The following DIP2C variants were observed in gnomAD, a reference collection of about 807,000 sequenced individuals.
DIP2C encodes disco-interacting protein 2 homolog C.
Under a neutral mutation model 192.4 loss-of-function variants are expected in DIP2C, and 33 were observed. The ratio of observed to expected loss-of-function variants is 0.17; its 90% CI spans 0.13 to 0.23. DIP2C has a LOEUF of 0.23. DIP2C is among the 10% of genes least tolerant of loss of function. The pLI, the probability that DIP2C is intolerant of heterozygous loss-of-function variation, is 1.00. For missense variants in DIP2C, 1,537 were observed against 2,110.1 expected (o/e 0.73, Z 5.32); for synonymous variants, 979 against 864.1 (o/e 1.13, Z -2.33).
chr10:487,192 GAC>G (rs1564777436), intron 1 of DIP2C, among the ~76,000 whole-genome samples: 1 of 151,962 alleles, frequency 6.6e-6, no homozygotes, highest in Non-Finnish European at 1.5e-5. Flanking sequence ...CCACCTCATC[GAC>G]ACACAGAGGC....
chr10:538,523 C>G (rs909049179), intron 1 of DIP2C, among the ~76,000 whole-genome samples: 1 of 152,170 alleles, frequency 6.6e-6, no homozygotes, highest in East Asian at 1.9e-4. Context: ...CCGGACCGTA[C>G]AGGGGCTAGG....
chr10:533,845 G>A (rs757242799), intron 1 of DIP2C, among the ~76,000 whole-genome samples: 4 of 152,082 alleles, frequency 2.6e-5, no homozygotes, highest in African/African-American at 4.8e-5. Flanking sequence ...GTCTTGAACC[G>A]TGGGAAAATG....
intron 1 of DIP2C, among the ~76,000 whole-genome samples, chr10:660,384 G>A (rs906576123): frequency 4.6e-5 from 6 of 130,120 alleles, no homozygotes; most frequent in East Asian, 2.4e-4. Flanking sequence ...TGTATGAAAC[G>A]GAGATTCTAG....
intron 1 of DIP2C, among the ~76,000 whole-genome samples, chr10:683,795 C>T (rs79919851): frequency 0.013 from 1,980 of 152,204 alleles, 30 homozygotes; most frequent in African/African-American, 0.045. Flanking sequence ...TTCAGGAGAG[C>T]GCTACAACTC....
chr10:687,900 C>T (rs1831392495), intron 1 of DIP2C, among the ~76,000 whole-genome samples: 1 of 152,220 alleles, frequency 6.6e-6, no homozygotes, highest in South Asian at 2.1e-4. Context: ...CTACGCTCTG[C>T]TGACCTGGAT....
intron 1 of DIP2C, among the ~76,000 whole-genome samples, chr10:502,255 G>A (rs1845288602): frequency 1.3e-5 from 2 of 152,194 alleles, no homozygotes; most frequent in African/African-American, 2.4e-5. Flanking sequence ...AAGATATTAT[G>A]AGGCACACAC....
chr10:442,874 A>G (rs1967860122), intron 3 of DIP2C, among the ~76,000 whole-genome samples: 1 of 152,218 alleles, frequency 6.6e-6, no homozygotes, highest in Non-Finnish European at 1.5e-5. Context: ...GATCCAATCC[A>G]GGATCATGAA....
intron 32 of DIP2C, among the ~76,000 whole-genome samples, chr10:297,807 T>C (rs1469508013): frequency 1.3e-5 from 2 of 152,128 alleles, no homozygotes; most frequent in East Asian, 3.8e-4. Context: ...AGGAGGAAGA[T>C]ACCAAACATT....
At position 518,969 on chromosome 10, in the gene DIP2C, G is replaced by C. The variant is rs968303208; in HGVS notation, c.86-32439C>G. Among the ~76,000 whole-genome samples the C allele has an allele frequency of 1.1e-3, 163 of 152,362 alleles. 2 individuals carry two copies. The highest frequency in any genetic ancestry group is 2.0e-3 in the Non-Finnish European group (139 of 68,040). On this transcript the variant is annotated intron_variant, in intron 1 of 36. Transcript: ENST00000280886. Reference sequence around the variant, plus strand: ...TGGCCGTGTCAAACTCCCCATGCCAGCTCTGCATCTGCACTGGGTCCCAGG... The same window carrying C: ...TGGCCGTGTCAAACTCCCCATGCCACCTCTGCATCTGCACTGGGTCCCAGG...
chr10:658,260 G>C (rs1322776553), intron 1 of DIP2C, among the ~76,000 whole-genome samples: 8 of 120,116 alleles, frequency 6.7e-5, no homozygotes, highest in Admixed American at 4.3e-4. Flanking sequence ...TGGACCTGAT[G>C]CTGGACCTGC....
chr10:454,761 G>T (rs117008156), intron 3 of DIP2C, among the ~76,000 whole-genome samples: 10 of 151,620 alleles, frequency 6.6e-5, no homozygotes, highest in Non-Finnish European at 1.5e-4. Context: ...CTCTATGCTC[G>T]ATGTCATTAT....
chr10:297,143 G>A (rs561686866), intron 32 of DIP2C, among the ~76,000 whole-genome samples: 156 of 151,818 alleles, frequency 1.0e-3, no homozygotes, highest in African/African-American at 3.2e-3. Flanking sequence ...GCAGTGAGCC[G>A]AGATCATGCC....
intron 1 of DIP2C, among the ~76,000 whole-genome samples, chr10:492,244 T>TCC (rs964597262): frequency 1.1e-4 from 16 of 152,184 alleles, no homozygotes; most frequent in Non-Finnish European, 2.2e-4. Context: ...TGAGCCTCTC[T>TCC]CCCCAAACTG....
intron 29 of DIP2C, among the ~76,000 whole-genome samples, chr10:340,210 A>T (rs1958075715): frequency 6.6e-6 from 1 of 151,538 alleles, no homozygotes; most frequent in South Asian, 2.1e-4. Flanking sequence ...ATCCACTATA[A>T]ATTTTGAGAA....
chr10:327,841 A>G (rs1564562234), intron 30 of DIP2C, among the ~76,000 whole-genome samples: 1 of 152,228 alleles, frequency 6.6e-6, no homozygotes, highest in Non-Finnish European at 1.5e-5. Flanking sequence ...GCAAAAGATT[A>G]ACAACATCTC....
chr10:414,906 ATTTTT>A (rs66514106), intron 7 of DIP2C, among the ~76,000 whole-genome samples: 5 of 83,166 alleles, frequency 6.0e-5, no homozygotes, highest in African/African-American at 1.3e-4. Flanking sequence ...ATATATATAT[ATTTTT>A]TTTTTTTTTT....
chr10:418,948 T>A, intron 6 of DIP2C, 117 bp downstream of exon 6: 2 of 1,458,506 alleles, frequency 1.4e-6, no homozygotes, highest in East Asian at 2.3e-5. Context: ...TCTGATAAAT[T>A]GGCTTTGTCA....
chr10:457,333 TAATATA>T (rs1420299261), intron 3 of DIP2C, among the ~76,000 whole-genome samples: 6 of 151,992 alleles, frequency 3.9e-5, no homozygotes, highest in South Asian at 2.1e-4. Flanking sequence ...TCTTCTGACT[TAATATA>T]AAGATTTTAG....
At chr10:464,441 T>C (rs780423877) in intron 3 of DIP2C, among the ~76,000 whole-genome samples, 5 of 149,384 alleles carry the variant, frequency 3.3e-5, no homozygotes, top group Non-Finnish European at 5.9e-5. Flanking sequence ...AAAACCACAA[T>C]GAGATACCAT....
Sources: allele counts gnomAD v4.1 joint callset (sites outside exome capture counted in the v4.1 genomes callset), GRCh38; gene constraint gnomAD v4.1.1; transcripts MANE v1.5; gene names NCBI Gene and HGNC (gene_info 2026-07-23, HGNC 2026-07-21).